INTU: variants seen among roughly 807,000 people sequenced by gnomAD.
INTU encodes the protein inturned planar cell polarity protein.
Under a neutral mutation model 100.5 loss-of-function variants are expected in INTU, and 68 were observed. That is an observed-to-expected ratio of 0.68 (90% CI 0.56 to 0.83). INTU has a LOEUF of 0.83. Ranked by LOEUF, INTU falls within the 40% of genes least tolerant of loss-of-function variation. The pLI is 0.00. For synonymous variants in INTU, 357 were observed against 395.7 expected (o/e 0.90, Z 1.16); for missense variants, 1,071 against 1,114.7 (o/e 0.96, Z 0.56).
At chr4:127,637,840 G>A (rs889859925) in intron 1 of INTU, among the ~76,000 whole-genome samples, 10 of 152,120 alleles carry the variant, frequency 6.6e-5, no homozygotes, top group African/African-American at 1.9e-4. Context: ...AATGTGACCC[G>A]GGGAATGAAG....
chr4:127,666,510 C>G (rs1310593937), intron 4 of INTU, among the ~76,000 whole-genome samples: 5 of 152,158 alleles, frequency 3.3e-5, no homozygotes, highest in African/African-American at 1.2e-4. Context: ...CTAGGCTCAG[C>G]TCACCTACCT....
chr4:127,645,889 A>G (rs1475938850), intron 2 of INTU, among the ~76,000 whole-genome samples: 1 of 151,646 alleles, frequency 6.6e-6, no homozygotes, highest in African/African-American at 2.4e-5. Flanking sequence ...AAGCCTCAGA[A>G]TTATTTGGAT....
intron 8 of INTU, among the ~76,000 whole-genome samples, chr4:127,693,819 T>C (rs1730262742): frequency 1.3e-5 from 2 of 152,184 alleles, no homozygotes; most frequent in Admixed American, 6.6e-5. Flanking sequence ...TTTCTGTGTC[T>C]ATTGAGATGA....
intron 8 of INTU, among the ~76,000 whole-genome samples, chr4:127,694,338 T>C (rs1294557896): frequency 2.6e-5 from 4 of 152,068 alleles, no homozygotes; most frequent in Admixed American, 1.3e-4. Flanking sequence ...CTCTTTTAGG[T>C]TTTCTAGTTT....
At chr4:127,684,668 T>C (rs1325939690) in intron 7 of INTU, among the ~76,000 whole-genome samples, 182 bp downstream of exon 7, 3 of 151,296 alleles carry the variant, frequency 2.0e-5, no homozygotes, top group Non-Finnish European at 4.4e-5. Context: ...TCCTCTTCCT[T>C]CCCCCTTTCT....
intron 2 of INTU, among the ~76,000 whole-genome samples, chr4:127,656,219 G>C (rs1728213682): frequency 6.6e-6 from 1 of 152,182 alleles, no homozygotes; most frequent in Non-Finnish European, 1.5e-5. Context: ...GACGGGAGCT[G>C]TTCCTATTTG....
chr4:127,705,599 G>C lies in INTU; in HGVS notation c.1575G>C (p.Leu525Phe). Residue 525 changes from leucine (L) to phenylalanine (F), a missense_variant, in exon 11 of 16, where the codon TTG (leucine) becomes TTC (phenylalanine). Coordinates refer to ENST00000335251, the MANE Select transcript of INTU (RefSeq NM_015693.4). ...TTGTGGTTAAATTCAAGGGTTATTTGATATGCAGTCATTTGCCCAAGGATG... is the reference window on the plus strand; with the variant it reads ...TTGTGGTTAAATTCAAGGGTTATTTCATATGCAGTCATTTGCCCAAGGATG... ...LGSSLFYKGY[L>F]ICSHLPKDDL... The C allele has an allele frequency of 6.2e-7, 1 of 1,613,082 alleles. No homozygotes were observed. The highest frequency in any genetic ancestry group is 8.5e-7 in the Non-Finnish European group (1 of 1,179,138).
intron 2 of INTU, among the ~76,000 whole-genome samples, chr4:127,646,145 C>T (rs1224544556): frequency 6.6e-6 from 1 of 151,020 alleles, no homozygotes; most frequent in Non-Finnish European, 1.5e-5. Context: ...GATTGTACCA[C>T]CGCACTCCAG....
intron 4 of INTU, among the ~76,000 whole-genome samples, chr4:127,667,060 TTAAAACAAATGA>T (rs1728729673): frequency 6.6e-6 from 1 of 152,204 alleles, no homozygotes; most frequent in Admixed American, 6.5e-5. Flanking sequence ...CTTTATATTT[TTAAAACAAATGA>T]AATATTTAAG....
At chr4:127,669,846 AG>A (rs1692566471) in intron 5 of INTU, among the ~76,000 whole-genome samples, 1 of 151,880 alleles carries the variant, frequency 6.6e-6, no homozygotes, top group African/African-American at 2.4e-5. Context: ...TTGACACTAT[AG>A]AAATGCTAGA....
At chr4:127,704,596 G>C (rs1357984591) in intron 10 of INTU, among the ~76,000 whole-genome samples, 1 of 151,948 alleles carries the variant, frequency 6.6e-6, no homozygotes, top group African/African-American at 2.4e-5. Context: ...TGCCTGACCA[G>C]ATTAAGACCT....
intron 4 of INTU, 96 bp from the exon 5 acceptor site, chr4:127,668,940 A>AT: frequency 1.8e-6 from 1 of 566,196 alleles, no homozygotes; most frequent in Non-Finnish European, 3.2e-6. Flanking sequence ...GAAAGGATTC[A>AT]TTTTTTGTTC....
At chr4:127,681,554 A>T (rs1230496677) in intron 6 of INTU, among the ~76,000 whole-genome samples, 3 of 152,222 alleles carry the variant, frequency 2.0e-5, no homozygotes, top group African/African-American at 7.2e-5. Context: ...AGCCATATGT[A>T]GAAAGCTGAA....
At chr4:127,675,397 A>AT (rs1729129189) in intron 6 of INTU, among the ~76,000 whole-genome samples, 1 of 152,180 alleles carries the variant, frequency 6.6e-6, no homozygotes, top group Admixed American at 6.6e-5. Flanking sequence ...GAATATGACT[A>AT]TTTTTTATTA....
intron 13 of INTU, among the ~76,000 whole-genome samples, chr4:127,710,021 C>G (rs1001409952): frequency 4.6e-5 from 7 of 152,190 alleles, no homozygotes; most frequent in Non-Finnish European, 7.4e-5. Flanking sequence ...CTTCACAAAA[C>G]TCTAGTCTTC....
At chr4:127,651,342 A>C (rs1372736932) in intron 2 of INTU, among the ~76,000 whole-genome samples, 1 of 152,124 alleles carries the variant, frequency 6.6e-6, no homozygotes, top group Non-Finnish European at 1.5e-5. Context: ...TAGGGTTTTT[A>C]TGGTTTTAGG....
At chr4:127,678,251 C>T (rs558217376) in intron 6 of INTU, among the ~76,000 whole-genome samples, 5,716 of 151,962 alleles carry the variant, frequency 0.038, 363 homozygotes, top group African/African-American at 0.13. Context: ...ATACAGAGAA[C>T]GCCACAAAGA....
chr4:127,694,353 A>T (rs1730288955), intron 8 of INTU, among the ~76,000 whole-genome samples: 1 of 151,940 alleles, frequency 6.6e-6, no homozygotes, highest in African/African-American at 2.4e-5. Flanking sequence ...TAGTTTATGC[A>T]CATAAAGGTG....
At chr4:127,677,803 G>A (rs558305219) in intron 6 of INTU, among the ~76,000 whole-genome samples, 3 of 152,248 alleles carry the variant, frequency 2.0e-5, no homozygotes, top group Admixed American at 6.5e-5. Context: ...AAACTACTCC[G>A]AGCTACAGGA....
Sources: gnomAD v4.1 joint callset for allele counts (sites outside exome capture counted in the v4.1 genomes callset) on GRCh38, gnomAD v4.1.1 for gene constraint, MANE v1.5 for transcripts, NCBI Gene and HGNC (gene_info 2026-07-23, HGNC 2026-07-21) for gene names.